The following SLCO5A1 variants were observed in gnomAD, a reference collection of about 807,000 sequenced individuals.
SLCO5A1 encodes organic anion transporter polypeptide-related protein 4.
In SLCO5A1, 39 loss-of-function variants were observed where a neutral mutation model predicts 65.1. That is an observed-to-expected ratio of 0.60 (90% CI 0.46 to 0.78). SLCO5A1 has a LOEUF of 0.78. Among genes scored for constraint, SLCO5A1 ranks in the 30% least tolerant of loss-of-function variants. The probability of loss-of-function intolerance (pLI) is 0.00; values close to 1 mark genes in which losing one functional copy is unlikely to be tolerated. For synonymous variants in SLCO5A1, 438 were observed against 415.7 expected, an observed-to-expected ratio of 1.05 and a Z score of -0.65; for missense variants, 1,029 against 1,069.4, an observed-to-expected ratio of 0.96 and a Z score of 0.53.
In SLCO5A1 at chr8:69,696,295, A is replaced by T. The variant is rs368016634; in HGVS notation, c.1622+8736T>A. ...AAGCATGACACCAAACTCCACAAAA[A>T]TGGCAAGTAGATAGGCATGGGTTTA... On this transcript the variant is annotated intron_variant, in intron 6 of 9. Coordinates refer to ENST00000260126, the MANE Select transcript of SLCO5A1 (RefSeq NM_030958.3). Among the ~76,000 whole-genome samples, 3 of 152,342 alleles carry T rather than the reference A, an allele frequency of 2.0e-5. No individual in the cohort carries two copies. The South Asian group carries it at 6.2e-4, about 32-fold the overall frequency.
rs925863462 is a variant in SLCO5A1, at chr8:69,832,224, G to A, written c.450C>T (p.Ser150=). The A allele has an allele frequency of 3.7e-6, 6 of 1,614,084 alleles. No homozygotes were observed. In the Admixed American group the frequency reaches 1.0e-4, roughly 27 times the overall value. The change falls in exon 2 of 10, where the codon AGC becomes AGT. Residue 150 remains serine (S), a synonymous_variant. Coordinates refer to ENST00000260126, the MANE Select transcript of SLCO5A1 (RefSeq NM_030958.3). The surrounding 1 kb of genome is among the most constrained non-coding windows in gnomAD (Gnocchi z 4.5). The part of the protein sequence containing the change: ...IQALMVSGYL[S]SVITTIERRY... The stretch of plus-strand genomic sequence containing the variant: ...GCCTTTCAATGGTGGTAATTACGCT[G>A]CTCAGGTACCCAGAGACCATTAACG...
At chr8:69,772,587 AGGAAAGGAAAGGAAAG>A (rs1818369721) in intron 2 of SLCO5A1, among the ~76,000 whole-genome samples, 1 of 122,968 alleles carries the variant, frequency 8.1e-6, no homozygotes, top group Non-Finnish European at 1.8e-5. Flanking sequence ...AGGAAAGGAA[AGGAAAGGAAAGGAAAG>A]GAAAGGAAAG....
intron 2 of SLCO5A1, among the ~76,000 whole-genome samples, chr8:69,826,511 C>G (rs1820922202): frequency 6.6e-6 from 1 of 152,100 alleles, no homozygotes; most frequent in South Asian, 2.1e-4. Flanking sequence ...ATTTATGCAG[C>G]CAAAAAACAC....
intron 5 of SLCO5A1, among the ~76,000 whole-genome samples, chr8:69,737,156 C>T (rs1277873127): frequency 6.6e-6 from 1 of 152,162 alleles, no homozygotes; most frequent in Non-Finnish European, 1.5e-5. Flanking sequence ...AAAGTGATTA[C>T]CCAGATATTT....
intron 5 of SLCO5A1, among the ~76,000 whole-genome samples, chr8:69,727,321 C>A (rs1816126527): frequency 6.6e-6 from 1 of 152,130 alleles, no homozygotes; most frequent in Non-Finnish European, 1.5e-5. Flanking sequence ...TAAACTGACC[C>A]TTTTAACTTG....
intron 6 of SLCO5A1, among the ~76,000 whole-genome samples, chr8:69,698,976 G>A (rs1814610259): frequency 6.6e-6 from 1 of 152,202 alleles, no homozygotes; most frequent in Non-Finnish European, 1.5e-5. Flanking sequence ...TGAAGCAGGA[G>A]GATGGAGTTC....
At chr8:69,784,861 A>AAGAAAGAAAGAAAGAAAGAAAGAAAGAG (rs1376200828) in intron 2 of SLCO5A1, among the ~76,000 whole-genome samples, 8 of 135,526 alleles carry the variant, frequency 5.9e-5, no homozygotes, top group African/African-American at 1.9e-4. Flanking sequence ...GAAAGAAAGA[A>AAGAAAGAAAGAAAGAAAGAAAGAAAGAG]AGGGAAGGAA....
chr8:69,786,680 G>C (rs1251260415), intron 2 of SLCO5A1, among the ~76,000 whole-genome samples: 3 of 152,156 alleles, frequency 2.0e-5, no homozygotes, highest in Non-Finnish European at 4.4e-5. Flanking sequence ...CTTAATAGTT[G>C]TTTTTGTAGT....
Position 69,670,543 on chromosome 8 carries a change from T to A in SLCO5A1, c.*2326A>T, listed in dbSNP as rs927675633. On this transcript the variant is annotated 3_prime_UTR_variant, in exon 10 of 10. Coordinates refer to ENST00000260126, the MANE Select transcript of SLCO5A1 (RefSeq NM_030958.3). Reference sequence around the variant, plus strand: ...ACTTGAGGAAGTACAATATTAACACTGTGGTGCACATTTCAGGCCCATTTC... The same window carrying A: ...ACTTGAGGAAGTACAATATTAACACAGTGGTGCACATTTCAGGCCCATTTC... The A allele has an allele frequency of 6.6e-6, 1 of 152,204 alleles. No homozygotes were observed. Among genetic ancestry groups the A allele is most frequent in the Non-Finnish European group, 1.5e-5 (1 of 68,046 alleles). The allele number at this position is 152,204 out of a possible 1,614,324, so 9.4% of individuals were successfully genotyped here.
At chr8:69,697,784 G>A (rs1315501394) in intron 6 of SLCO5A1, among the ~76,000 whole-genome samples, 2 of 152,128 alleles carry the variant, frequency 1.3e-5, no homozygotes, top group African/African-American at 2.4e-5. Context: ...AACAGAACAT[G>A]CTAGATGACA....
chr8:69,795,352 G>A (rs1041880617), intron 2 of SLCO5A1, among the ~76,000 whole-genome samples: 1 of 152,138 alleles, frequency 6.6e-6, no homozygotes. Context: ...ACACAATAGG[G>A]TACAAGAATT....
At chr8:69,784,896 A>AAGGGAAGGAAGG in intron 2 of SLCO5A1, among the ~76,000 whole-genome samples, 1 of 12,118 alleles carries the variant, frequency 8.3e-5, no homozygotes, top group Non-Finnish European at 1.5e-4. Flanking sequence ...AGAAGAAAGG[A>AAGGGAAGGAAGG]AGAAAGAAAG....
chr8:69,690,517 T>C (rs1319381451), intron 6 of SLCO5A1, among the ~76,000 whole-genome samples: 1 of 152,220 alleles, frequency 6.6e-6, no homozygotes, highest in Non-Finnish European at 1.5e-5. Flanking sequence ...TGGCCAGAAA[T>C]GCCAGTCAAC....
At chr8:69,708,464 G>C (rs1016391150) in intron 5 of SLCO5A1, among the ~76,000 whole-genome samples, 2 of 152,154 alleles carry the variant, frequency 1.3e-5, no homozygotes, top group African/African-American at 4.8e-5. Context: ...GGGAAGCTGA[G>C]GCAGGAGAAT....
chr8:69,675,087 C>A (rs1813494844), intron 9 of SLCO5A1, among the ~76,000 whole-genome samples: 1 of 151,188 alleles, frequency 6.6e-6, no homozygotes, highest in South Asian at 2.1e-4. Flanking sequence ...TTTTCTTATT[C>A]AATTACCCCT....
At chr8:69,746,287 C>G (rs112598965) in intron 4 of SLCO5A1, among the ~76,000 whole-genome samples, 1 of 152,056 alleles carries the variant, frequency 6.6e-6, no homozygotes, top group Non-Finnish European at 1.5e-5. Flanking sequence ...TATCTCAATA[C>G]TTAAATTATT....
intron 5 of SLCO5A1, among the ~76,000 whole-genome samples, chr8:69,710,019 C>CTTTTT (rs33961429): frequency 0.37 from 44,574 of 122,032 alleles, 8,821 homozygotes; most frequent in South Asian, 0.53. Flanking sequence ...TCGGCAACAG[C>CTTTTT]TTTTTTTTTT....
At chr8:69,731,948 C>A (rs1816355776) in intron 5 of SLCO5A1, among the ~76,000 whole-genome samples, 1 of 152,202 alleles carries the variant, frequency 6.6e-6, no homozygotes, top group African/African-American at 2.4e-5. Flanking sequence ...AATGCTTAAT[C>A]TCAACATTAA....
At position 69,752,366 on chromosome 8, in the gene SLCO5A1, T is replaced by A. The variant is rs541394684; in HGVS notation, c.1258+3058A>T. ...ATGGACTTTTCTATGAATCATTTTTTAAGGCAAGACCTCAATAATAAATCT... is the reference window on the plus strand; with the variant it reads ...ATGGACTTTTCTATGAATCATTTTTAAAGGCAAGACCTCAATAATAAATCT... On this transcript the variant is annotated intron_variant, in intron 4 of 9. Transcript: ENST00000260126. Among the ~76,000 whole-genome samples the A allele has an allele frequency of 4.6e-5, 7 of 152,152 alleles. No individual in the cohort carries two copies. The East Asian group carries it at 1.4e-3, about 29-fold the overall frequency.
Sources: gnomAD v4.1 joint callset for allele counts (sites outside exome capture counted in the v4.1 genomes callset) on GRCh38, gnomAD v4.1.1 for gene constraint, Gnocchi (gnomAD v3.1) non-coding constraint, MANE v1.5 for transcripts, NCBI Gene and HGNC (gene_info 2026-07-23, HGNC 2026-07-21) for gene names.